ELOVL2: variants seen among roughly 807,000 people sequenced by gnomAD.
The protein encoded by ELOVL2 is ELOVL fatty acid elongase 2, also known as very long chain fatty acid elongase 2.
ELOVL2 carries 38 observed loss-of-function variants against 37.7 expected under a neutral mutation model. That is an observed-to-expected ratio of 1.01 (90% confidence interval 0.78 to 1.32). The LOEUF is 1.32. ELOVL2 is among the 40% of genes most tolerant of loss of function. ELOVL2 has a pLI of 0.00. For missense variants in ELOVL2, 352 were observed against 363.6 expected (o/e 0.97, Z 0.26); for synonymous variants, 115 against 122.3 (o/e 0.94, Z 0.40).
intron 1 of ELOVL2, among the ~76,000 whole-genome samples, chr6:11,038,893 T>C (rs1414145957): frequency 6.6e-6 from 1 of 152,222 alleles, no homozygotes. Context: ...CCAAGTGCTA[T>C]GTAAATTAGC....
intron 1 of ELOVL2, among the ~76,000 whole-genome samples, chr6:11,028,247 A>G (rs1782867124): frequency 6.6e-6 from 1 of 152,204 alleles, no homozygotes; most frequent in Admixed American, 6.5e-5. Context: ...TGGATATAGC[A>G]TTTTAATGCC....
At chr6:11,035,103 C>T (rs1462724852) in intron 1 of ELOVL2, among the ~76,000 whole-genome samples, 1 of 152,200 alleles carries the variant, frequency 6.6e-6, no homozygotes, top group Non-Finnish European at 1.5e-5. Context: ...ATAAATTGCT[C>T]AGAGTATAGT....
chr6:11,024,344 A>G (rs968662600), intron 1 of ELOVL2, among the ~76,000 whole-genome samples: 1 of 152,228 alleles, frequency 6.6e-6, no homozygotes, highest in Non-Finnish European at 1.5e-5. Flanking sequence ...GAACACTTTT[A>G]TGAAATACTA....
At chr6:11,017,215 C>T (rs1408306474) in intron 1 of ELOVL2, among the ~76,000 whole-genome samples, 1 of 152,158 alleles carries the variant, frequency 6.6e-6, no homozygotes, top group African/African-American at 2.4e-5. Context: ...TAGTACGTGT[C>T]AGGCACCTGA....
chr6:11,020,071 T>C (rs1782741255), intron 1 of ELOVL2, among the ~76,000 whole-genome samples: 2 of 152,142 alleles, frequency 1.3e-5, no homozygotes, highest in South Asian at 4.1e-4. Flanking sequence ...TAACAATAAG[T>C]CATTATCAAT....
Position 11,031,011 on chromosome 6 carries a change from G to A in ELOVL2, c.3+13217C>T, listed in dbSNP as rs184930672. Among the ~76,000 whole-genome samples the A allele has an allele frequency of 3.0e-3, 462 of 152,168 alleles. 1 individual carries two copies. The highest frequency in any genetic ancestry group is 4.6e-3 in the Non-Finnish European group (314 of 68,006). On this transcript the variant is annotated intron_variant, in intron 1 of 7. Transcript: ENST00000354666. The stretch of plus-strand genomic sequence containing the variant: ...TTCACAAGCAAAAATAGTTTTGTAC[G>A]TTTTAAGGATTTATATGCACTATAA...
chr6:11,008,603 T>G (rs766798433), intron 2 of ELOVL2, among the ~76,000 whole-genome samples: 24 of 151,972 alleles, frequency 1.6e-4, no homozygotes, highest in Non-Finnish European at 7.4e-5. Flanking sequence ...GGGTCCTGCA[T>G]GCCTAAGGGA....
chr6:10,989,899 G>C (rs1782121225), intron 6 of ELOVL2, 62 bp from the exon 7 acceptor site: 9 of 1,595,814 alleles, frequency 5.6e-6, no homozygotes, highest in Non-Finnish European at 6.9e-6. Context: ...AGACACTGCG[G>C]CCAAGCTTGA....
At chr6:11,005,289 G>T in intron 3 of ELOVL2, 83 bp downstream of exon 3, 1 of 1,251,820 alleles carries the variant, frequency 8.0e-7, no homozygotes, top group Non-Finnish European at 1.1e-6. Flanking sequence ...ACCTTGCATA[G>T]TTCTGCCAGG....
intron 2 of ELOVL2, among the ~76,000 whole-genome samples, chr6:11,008,330 C>T (rs1469761494): frequency 1.3e-5 from 2 of 152,214 alleles, no homozygotes; most frequent in Non-Finnish European, 2.9e-5. Flanking sequence ...GATCCCACAT[C>T]CACATAATTC....
At chr6:11,005,986 C>T (rs957196896) in intron 2 of ELOVL2, among the ~76,000 whole-genome samples, 5 of 152,174 alleles carry the variant, frequency 3.3e-5, no homozygotes, top group African/African-American at 1.2e-4. Context: ...TTGAACCAGT[C>T]ACATCTGCCT....
intron 1 of ELOVL2, among the ~76,000 whole-genome samples, chr6:11,022,709 A>G (rs1001075878): frequency 3.3e-5 from 5 of 152,354 alleles, no homozygotes; most frequent in Middle Eastern, 3.4e-3. Context: ...GATTTTAAAC[A>G]TTTAAAATAT....
At chr6:10,999,998 G>A (rs1356878958) in intron 4 of ELOVL2, 89 bp downstream of exon 4, 1 of 1,129,498 alleles carries the variant, frequency 8.9e-7, no homozygotes, top group Admixed American at 1.8e-5. Context: ...TCTAATTCTA[G>A]CCTCAGCCCT....
At chr6:10,999,432 G>A (rs1228128455) in intron 4 of ELOVL2, among the ~76,000 whole-genome samples, 3 of 150,202 alleles carry the variant, frequency 2.0e-5, no homozygotes, top group Non-Finnish European at 2.9e-5. Flanking sequence ...CTGGAGTGCA[G>A]TGACACAATC....
At chr6:10,994,862 G>T in intron 5 of ELOVL2, 145 bp downstream of exon 5, 1 of 614,928 alleles carries the variant, frequency 1.6e-6, no homozygotes, top group Non-Finnish European at 2.8e-6. Flanking sequence ...ACCCCTGGCA[G>T]ACACGGGCAT....
intron 7 of ELOVL2, among the ~76,000 whole-genome samples, chr6:10,988,310 A>G (rs1045489062): frequency 2.0e-5 from 3 of 152,242 alleles, no homozygotes; most frequent in Non-Finnish European, 4.4e-5. Flanking sequence ...CACACCTGTA[A>G]TCCCAGCACT....
intron 1 of ELOVL2, among the ~76,000 whole-genome samples, chr6:11,033,632 A>G (rs1020090569): frequency 6.6e-6 from 1 of 152,256 alleles, no homozygotes; most frequent in Non-Finnish European, 1.5e-5. Flanking sequence ...GAACCATTCA[A>G]TAAGAAAAGT....
chr6:11,035,902 T>C (rs1782997727), intron 1 of ELOVL2, among the ~76,000 whole-genome samples: 1 of 152,228 alleles, frequency 6.6e-6, no homozygotes, highest in Admixed American at 6.5e-5. Flanking sequence ...ACTGAGCACG[T>C]GCTGAATGAA....
At chr6:11,015,615 G>A (rs1242889278) in intron 1 of ELOVL2, 1 of 152,342 alleles carries the variant, frequency 6.6e-6, no homozygotes, top group Non-Finnish European at 1.5e-5. Context: ...TCCATGTAAG[G>A]CAGTCTCACA....
Sources: allele counts gnomAD v4.1 joint callset (sites outside exome capture counted in the v4.1 genomes callset), GRCh38; gene constraint gnomAD v4.1.1; transcripts MANE v1.5; gene names NCBI Gene and HGNC (gene_info 2026-07-23, HGNC 2026-07-21).